PLD5: variants seen among roughly 807,000 people sequenced by gnomAD.
The protein encoded by PLD5 is phospholipase D family member 5, also known as inactive phospholipase D5.
PLD5 carries 36 observed loss-of-function variants against 61.1 expected under a neutral mutation model. The ratio of observed to expected loss-of-function variants is 0.59; its 90% CI spans 0.45 to 0.78. PLD5 has a LOEUF of 0.78. Ranked by LOEUF, PLD5 falls within the 30% of genes least tolerant of loss-of-function variation. PLD5 has a pLI of 0.00. For missense variants in PLD5, 515 were observed against 644.4 expected, an observed-to-expected ratio of 0.80 and a Z score of 2.17; for synonymous variants, 243 against 242.8, an observed-to-expected ratio of 1.00 and a Z score of -0.01.
At chr1:242,221,490 T>A (rs924688036) in intron 4 of PLD5, among the ~76,000 whole-genome samples, 17 of 152,188 alleles carry the variant, frequency 1.1e-4, no homozygotes, top group Non-Finnish European at 2.4e-4. Flanking sequence ...ACTATGAACT[T>A]AATGCTTAAC....
chr1:242,398,053 T>C (rs1481345887), intron 1 of PLD5, among the ~76,000 whole-genome samples: 1 of 152,186 alleles, frequency 6.6e-6, no homozygotes, highest in African/African-American at 2.4e-5. Context: ...AAACTAGGGC[T>C]TTCCTATTAA....
At chr1:242,167,081 A>G (rs932542361) in intron 5 of PLD5, among the ~76,000 whole-genome samples, 20 of 40,628 alleles carry the variant, frequency 4.9e-4, no homozygotes, top group African/African-American at 1.3e-3. Flanking sequence ...AATAATAGTA[A>G]TAATAATAAT....
chr1:242,143,540 G>C (rs1664328460), intron 5 of PLD5, among the ~76,000 whole-genome samples: 1 of 152,192 alleles, frequency 6.6e-6, no homozygotes, highest in South Asian at 2.1e-4. Flanking sequence ...GTTTCAACTG[G>C]CAGAGTCAGG....
At position 242,281,197 on chromosome 1, in the gene PLD5, GA is replaced by G. The variant is rs1674699387; in HGVS notation, c.495+7164del. Among the ~76,000 whole-genome samples, 4 of 152,230 alleles carry G rather than the reference GA, an allele frequency of 2.6e-5. No individual in the cohort carries two copies. The South Asian group carries it at 8.3e-4, about 31-fold the overall frequency. On this transcript the variant is annotated intron_variant, in intron 3 of 9. Transcript: ENST00000536534. ...ACAAATGAATCGTAAGGATGGCTATGAAACAAACATGGCAAGGAAACGTTTT... is the reference window on the plus strand; with the variant it reads ...ACAAATGAATCGTAAGGATGGCTATGAACAAACATGGCAAGGAAACGTTTT...
At chr1:242,296,481 C>T (rs1286644499) in intron 2 of PLD5, among the ~76,000 whole-genome samples, 2 of 152,148 alleles carry the variant, frequency 1.3e-5, no homozygotes, top group African/African-American at 4.8e-5. Context: ...GCTAACCTTC[C>T]CAAAGAGATA....
chr1:242,431,703 T>A (rs1665729228), intron 1 of PLD5, among the ~76,000 whole-genome samples: 1 of 152,190 alleles, frequency 6.6e-6, no homozygotes, highest in Non-Finnish European at 1.5e-5. Flanking sequence ...CACATATATG[T>A]GAATAGTCAA....
intron 7 of PLD5, among the ~76,000 whole-genome samples, chr1:242,109,350 C>T (rs935854363): frequency 7.2e-5 from 11 of 152,168 alleles, no homozygotes; most frequent in African/African-American, 2.7e-4. Flanking sequence ...TGGTGGCATG[C>T]ACCTGTAATC....
chr1:242,277,023 G>A (rs1287509132), intron 3 of PLD5, among the ~76,000 whole-genome samples: 1 of 152,100 alleles, frequency 6.6e-6, no homozygotes, highest in African/African-American at 2.4e-5. Context: ...TCAGAAGCAG[G>A]AGGCTGGTAA....
In PLD5 at chr1:242,491,204, C is replaced by T. The variant is rs150532250; in HGVS notation, c.189+32884G>A. On this transcript the variant is annotated intron_variant, in intron 1 of 9. Transcript: ENST00000536534. The stretch of plus-strand genomic sequence containing the variant: ...TATACTTACCTACAGCAACTTCTTT[C>T]TCTGTCTTAGACCTTTCGAGTCCAC... Among the ~76,000 whole-genome samples, 328 of 152,346 alleles carry T rather than the reference C, an allele frequency of 2.2e-3. 1 individual carries two copies. The highest frequency in any genetic ancestry group is 3.9e-3 in the Non-Finnish European group (267 of 68,040).
In PLD5 at chr1:242,421,654, C is replaced by G. The variant is rs59139775; in HGVS notation, c.190-73412G>C. Among the ~76,000 whole-genome samples, 260 of 152,268 alleles carry G rather than the reference C, an allele frequency of 1.7e-3. 4 individuals carry two copies. Among genetic ancestry groups the G allele is most frequent in the African/African-American group, 5.8e-3 (241 of 41,550 alleles). On this transcript the variant is annotated intron_variant, in intron 1 of 9. Transcript: ENST00000536534. ...AAGTTGGGAGGTCTTCACGAAGCTT[C>G]CATGGGAAGTTTTTAGATGGCAGTG... is the stretch of plus-strand genomic sequence containing the variant.
chr1:242,264,001 AGCTTTTT>A (rs1673514744), intron 4 of PLD5, among the ~76,000 whole-genome samples: 2 of 152,176 alleles, frequency 1.3e-5, no homozygotes, highest in African/African-American at 4.8e-5. Context: ...CTAACACATC[AGCTTTTT>A]ATCCTGCCAG....
chr1:242,382,527 T>C (rs974788426), intron 1 of PLD5, among the ~76,000 whole-genome samples: 4 of 152,152 alleles, frequency 2.6e-5, no homozygotes, highest in Non-Finnish European at 4.4e-5. Context: ...AACATTTAAC[T>C]CTGCCCCAAG....
At chr1:242,312,380 C>A (rs1266259943) in intron 2 of PLD5, among the ~76,000 whole-genome samples, 4 of 152,040 alleles carry the variant, frequency 2.6e-5, no homozygotes, top group Non-Finnish European at 5.9e-5. Context: ...CCTTTTCTAG[C>A]CACGTATCTT....
chr1:242,113,832 CA>C, intron 7 of PLD5, 57 bp downstream of exon 7: 2 of 1,550,446 alleles, frequency 1.3e-6, no homozygotes, highest in Non-Finnish European at 1.7e-6. Flanking sequence ...CTGTGGTGCC[CA>C]GTTTAGTGCC....
intron 6 of PLD5, among the ~76,000 whole-genome samples, chr1:242,123,476 TCA>T (rs962549768): frequency 6.6e-6 from 1 of 151,936 alleles, no homozygotes; most frequent in Non-Finnish European, 1.5e-5. Flanking sequence ...CAGAGCACAC[TCA>T]CACACACATT....
chr1:242,124,752 AGTT>A (rs1454377097), intron 5 of PLD5, 87 bp from the exon 6 acceptor site: 1 of 1,063,728 alleles, frequency 9.4e-7, no homozygotes, highest in African/African-American at 1.6e-5. Flanking sequence ...AGAATGAGGT[AGTT>A]GTGACATCTT....
intron 4 of PLD5, among the ~76,000 whole-genome samples, chr1:242,222,697 G>A (rs1169880232): frequency 6.6e-6 from 1 of 152,120 alleles, no homozygotes; most frequent in African/African-American, 2.4e-5. Flanking sequence ...CACTGGGGAC[G>A]ACCTCTTTGT....
intron 1 of PLD5, among the ~76,000 whole-genome samples, chr1:242,430,216 AAAC>A (rs1228363400): frequency 6.6e-6 from 1 of 152,224 alleles, no homozygotes; most frequent in African/African-American, 2.4e-5. Context: ...TGACTGGCTT[AAAC>A]AACAGAAATT....
chr1:242,479,863 G>A lies in PLD5; in HGVS notation c.189+44225C>T, dbSNP rs1409416435. Among the ~76,000 whole-genome samples the A allele has an allele frequency of 4.7e-5, 7 of 149,840 alleles. No homozygotes were observed. The South Asian group carries it at 1.3e-3, about 27-fold the overall frequency. The stretch of plus-strand genomic sequence containing the variant: ...TCGAGACTAACCTGGCCCACATGGT[G>A]AAACCCCGTCTCTACTAAAAATACA... On this transcript the variant is annotated intron_variant, in intron 1 of 9. Transcript: ENST00000536534.
Sources: gnomAD v4.1 joint callset for allele counts (sites outside exome capture counted in the v4.1 genomes callset) on GRCh38, gnomAD v4.1.1 for gene constraint, MANE v1.5 for transcripts, NCBI Gene and HGNC (gene_info 2026-07-23, HGNC 2026-07-21) for gene names.